UST: variants seen among roughly 807,000 people sequenced by gnomAD.
UST encodes the protein uronyl 2-sulfotransferase.
Under a neutral mutation model 45.6 loss-of-function variants are expected in UST, and 21 were observed. The ratio of observed to expected loss-of-function variants is 0.46; its 90% CI spans 0.33 to 0.66. The LOEUF is 0.66. Among genes scored for constraint, UST ranks in the 30% least tolerant of loss-of-function variants. The pLI is 0.02. For synonymous variants in UST, 215 were observed against 200.6 expected, an observed-to-expected ratio of 1.07 and a Z score of -0.61; for missense variants, 463 against 512.4, an observed-to-expected ratio of 0.90 and a Z score of 0.93.
chr6:148,960,966 T>C (rs1487477556), intron 4 of UST, among the ~76,000 whole-genome samples: 2 of 152,158 alleles, frequency 1.3e-5, no homozygotes, highest in Non-Finnish European at 2.9e-5. Context: ...ATATTATCGA[T>C]GGGTTGATTA....
intron 7 of UST, among the ~76,000 whole-genome samples, chr6:149,072,528 C>T (rs924370863): frequency 2.6e-5 from 4 of 152,014 alleles, no homozygotes; most frequent in Non-Finnish European, 5.9e-5. Context: ...TGGTGCATGC[C>T]TGTAATCTCA....
At chr6:148,798,055 G>T (rs1176491506) in intron 1 of UST, among the ~76,000 whole-genome samples, 1 of 152,174 alleles carries the variant, frequency 6.6e-6, no homozygotes, top group Non-Finnish European at 1.5e-5. Context: ...GGAAGCCAGT[G>T]TTGGGGGAAT....
Position 148,899,092 on chromosome 6 carries a change from CTTTTTT to C in UST, c.291+12083_291+12088del, listed in dbSNP as rs3075093. On this transcript the variant is annotated intron_variant, in intron 2 of 7. Transcript: ENST00000367463. ...CAATATAGCATATAGCTACCTAATC[CTTTTTT>C]TTTTTTTTTTTTTTTTTTTGAGATG... 2.4e-3 allele frequency among the ~76,000 whole-genome samples: 156 copies of C among 65,584 alleles called. 2 individuals carry two copies. In the East Asian group the frequency reaches 0.06, roughly 25 times the overall value. 43.0% of individuals were successfully genotyped at this position (65,584 alleles called of 152,430 possible). A position where few individuals can be genotyped will look rare whatever the true frequency, so the allele number is the denominator to read the frequency against.
rs755552691 is a variant in UST at position 148,964,537 on chromosome 6, A to G, written c.655A>G (p.Ser219Gly). The change falls in exon 5 of 8, where the codon AGC (serine) becomes GGC (glycine). Residue 219 changes from serine to glycine, a missense_variant. Coordinates refer to ENST00000367463, the MANE Select transcript of UST (RefSeq NM_005715.3). ...ACAAAATCACATGATCCGCACCCCC[A>G]GCATGAGGCAGGAGGAGCGCTACCT... is the stretch of plus-strand genomic sequence containing the variant. ...GEQNHMIRTPSMRQEERYLDI... is the reference protein window; with the variant it reads ...GEQNHMIRTPGMRQEERYLDI... 6.2e-7 allele frequency: 1 copy of G among 1,613,998 alleles called. No individual in the cohort carries two copies. Among genetic ancestry groups the G allele is most frequent in the Admixed American group, 1.7e-5 (1 of 60,028 alleles).
At chr6:149,027,865 C>T (rs1335112459) in intron 7 of UST, 2 of 140,186 alleles carry the variant, frequency 1.4e-5, no homozygotes, top group Non-Finnish European at 3.1e-5. Context: ...TTTTTTGAGA[C>T]AGAGTTTCAC....
intron 5 of UST, among the ~76,000 whole-genome samples, chr6:148,970,218 G>T (rs2114966818): frequency 6.6e-6 from 1 of 152,264 alleles, no homozygotes; most frequent in African/African-American, 2.4e-5. Context: ...GGGTGAAGGA[G>T]GGGGCAAGGG....
At position 148,790,725 on chromosome 6, in the gene UST, G is replaced by C. The variant is rs139760518; in HGVS notation, c.247+43048G>C. Among the ~76,000 whole-genome samples, 1 of 152,190 alleles carries C rather than the reference G, an allele frequency of 6.6e-6. No homozygotes were observed. Among genetic ancestry groups the C allele is most frequent in the Admixed American group, 6.5e-5 (1 of 15,274 alleles). On this transcript the variant is annotated intron_variant, in intron 1 of 7. Coordinates refer to ENST00000367463, the MANE Select transcript of UST (RefSeq NM_005715.3). The surrounding 1 kb of genome is among the most constrained non-coding windows in gnomAD (Gnocchi z 4.2). ...CCCAAGGTTATGCCTCTCCTCTCGGGGCATCCCACATCCAATGCCTGGTTG... is the reference window on the plus strand; with the variant it reads ...CCCAAGGTTATGCCTCTCCTCTCGGCGCATCCCACATCCAATGCCTGGTTG...
At chr6:149,042,549 A>G (rs9498197) in intron 7 of UST, among the ~76,000 whole-genome samples, 48,069 of 152,058 alleles carry the variant, frequency 0.32, 8,014 homozygotes, top group Non-Finnish European at 0.36. Flanking sequence ...GTGGTCCAGC[A>G]GGGCCCTGAG....
chr6:148,887,501 C>T (rs1188620681), intron 2 of UST, among the ~76,000 whole-genome samples: 2 of 152,212 alleles, frequency 1.3e-5, no homozygotes, highest in East Asian at 3.8e-4. Flanking sequence ...TGTGAGTCCA[C>T]TTTTGTTTTT....
At chr6:148,912,009 C>A (rs1005991663) in intron 2 of UST, among the ~76,000 whole-genome samples, 4 of 152,132 alleles carry the variant, frequency 2.6e-5, no homozygotes, top group Admixed American at 6.5e-5. Context: ...CCAGCCTGAT[C>A]AACATGGTGA....
At chr6:149,014,264 G>A (rs1775862048) in intron 5 of UST, among the ~76,000 whole-genome samples, 1 of 152,238 alleles carries the variant, frequency 6.6e-6, no homozygotes. Flanking sequence ...TGGGTGGGAA[G>A]GTTATTTCAG....
At chr6:148,760,745 AC>A (rs201371304) in intron 1 of UST, among the ~76,000 whole-genome samples, 7 of 151,876 alleles carry the variant, frequency 4.6e-5, no homozygotes, top group Admixed American at 6.5e-5. Flanking sequence ...ACAAAAAAAA[AC>A]CACAAACATC....
chr6:148,938,800 A>G (rs1262818753), intron 2 of UST, among the ~76,000 whole-genome samples: 3 of 151,200 alleles, frequency 2.0e-5, no homozygotes, highest in Non-Finnish European at 4.4e-5. Context: ...AGTATATAAT[A>G]TTATATCAAA....
intron 3 of UST, among the ~76,000 whole-genome samples, chr6:148,948,157 G>A (rs1334696026): frequency 6.6e-6 from 1 of 152,162 alleles, no homozygotes; most frequent in African/African-American, 2.4e-5. Context: ...ACCCCATACT[G>A]TGGGAAGAGG....
Position 148,959,018 on chromosome 6 carries a change from T to C in UST, c.527+5067T>C, listed in dbSNP as rs1175467835. The C allele has an allele frequency of 1.3e-5, 2 of 152,240 alleles. 1 individual carries two copies. Among genetic ancestry groups the C allele is most frequent in the Non-Finnish European group, 2.9e-5 (2 of 68,050 alleles). The allele number at this position is 152,240 out of a possible 1,614,324, so 9.4% of individuals were successfully genotyped here. On this transcript the variant is annotated intron_variant, in intron 4 of 7. Transcript: ENST00000367463. ...TTTCTGTCTTCTCCTGTATCTCAGA[T>C]GGTGGTTCCGGTGCCAATAGTAACT...
intron 5 of UST, among the ~76,000 whole-genome samples, chr6:148,977,935 G>A (rs920890926): frequency 6.6e-6 from 1 of 151,988 alleles, no homozygotes; most frequent in Non-Finnish European, 1.5e-5. Flanking sequence ...CTTTCCATTT[G>A]CTCAGAACTT....
rs1030859966 is a variant in UST, at chr6:148,748,791, C to G, written c.247+1114C>G. Among the ~76,000 whole-genome samples the G allele has an allele frequency of 7.2e-5, 11 of 152,102 alleles. No homozygotes were observed. Among genetic ancestry groups the G allele is most frequent in the Admixed American group, 1.3e-4 (2 of 15,282 alleles). The stretch of plus-strand genomic sequence containing the variant: ...GAGCGAGTGCGGGGAAGCAGAGCCA[C>G]CGAAGTGCTGGAAAGAAAATGGGCC... On this transcript the variant is annotated intron_variant, in intron 1 of 7. Transcript: ENST00000367463. The surrounding 1 kb of genome is among the most constrained non-coding windows in gnomAD (Gnocchi z 5.3).
intron 2 of UST, among the ~76,000 whole-genome samples, chr6:148,906,248 C>A (rs1779356967): frequency 1.3e-5 from 2 of 152,196 alleles, no homozygotes; most frequent in Admixed American, 6.5e-5. Flanking sequence ...TCTTCCTCTT[C>A]AAAACCAGAT....
intron 2 of UST, among the ~76,000 whole-genome samples, chr6:148,912,002 G>A (rs1047655141): frequency 8.5e-5 from 13 of 152,154 alleles, no homozygotes; most frequent in African/African-American, 3.1e-4. Flanking sequence ...TTCAAGACCA[G>A]CCTGATCAAC....
Sources: gnomAD v4.1 joint callset for allele counts (sites outside exome capture counted in the v4.1 genomes callset) on GRCh38, gnomAD v4.1.1 for gene constraint, Gnocchi (gnomAD v3.1) non-coding constraint, MANE v1.5 for transcripts, NCBI Gene and HGNC (gene_info 2026-07-23, HGNC 2026-07-21) for gene names.